The following SPTB variants were observed in gnomAD, a reference collection of about 807,000 sequenced individuals.
SPTB encodes spectrin beta, erythrocytic.
In SPTB, 45 loss-of-function variants were observed where a neutral mutation model predicts 256.2. The observed-to-expected ratio is 0.18, with a 90% CI of 0.14 to 0.23. SPTB has a LOEUF of 0.23. Ranked by LOEUF, SPTB falls within the 10% of genes least tolerant of loss-of-function variation. SPTB has a pLI of 1.00. For missense variants in SPTB, 2,715 were observed against 3,040.4 expected (o/e 0.89, Z 2.52); for synonymous variants, 1,231 against 1,243.1 (o/e 0.99, Z 0.21).
chr14:64,763,572 A>T (rs2082123230), intron 32 of SPTB, among the ~76,000 whole-genome samples: 1 of 152,250 alleles, frequency 6.6e-6, no homozygotes, highest in Non-Finnish European at 1.5e-5. Flanking sequence ...GACTTTCCGT[A>T]ATTCTCCAGA....
rs1248602299 is a variant in SPTB, at chr14:64,772,354, A to G, written c.5553+226T>C. Among the ~76,000 whole-genome samples, 1 of 152,246 alleles carries G rather than the reference A, an allele frequency of 6.6e-6. No homozygotes were observed. The highest frequency in any genetic ancestry group is 1.5e-5 in the Non-Finnish European group (1 of 68,044). ...ACAACTGGAGAAACTGCAACCGTAT[A>G]GTATTGTATGCATTGGCCTTTTGTG... On this transcript the variant is annotated intron_variant, in intron 26 of 35. Transcript: ENST00000644917. The surrounding 1 kb of genome is among the most constrained non-coding windows in gnomAD (Gnocchi z 5.4).
intron 23 of SPTB, 119 bp from the exon 24 acceptor site, chr14:64,774,646 C>A: frequency 7.0e-7 from 1 of 1,425,558 alleles, no homozygotes; most frequent in Non-Finnish European, 9.6e-7. Flanking sequence ...TTGTGGGACA[C>A]CCGCAGGAGA....
chr14:64,767,755 T>G lies in SPTB; in HGVS notation c.6127A>C (p.Ser2043Arg). ...ASGDFGHTVDSVEKLIKRHEA... is the reference protein window; with the variant it reads ...ASGDFGHTVDRVEKLIKRHEA... ...TGCCTCTTGATGAGCTTCTCCACAC[T>G]GTCCACTGTGTGTCCAAAGTCCCCG... is the stretch of plus-strand genomic sequence containing the variant. The change falls in exon 30 of 36, where the codon AGT becomes CGT. Residue 2043 changes from serine (S) to arginine (R), a missense_variant. Ser to Arg is a moderately radical substitution (Grantham distance 110, BLOSUM62 -1). Coordinates refer to ENST00000644917, the MANE Select transcript of SPTB (RefSeq NM_001355436.2). The G allele has an allele frequency of 3.1e-6, 5 of 1,614,190 alleles. No homozygotes were observed. The East Asian group carries it at 1.1e-4, about 36-fold the overall frequency.
chr14:64,769,698 C>T lies in SPTB; in HGVS notation c.5829G>A (p.Lys1943=). ...RDVSSVELLM[K]YHQGINAEIE... is the part of the protein sequence containing the mutation. ...TCTCTGCATTGATGCCCTGGTGATACTTCATGAGCAGTTCCACAGAGGAGA... is the reference window on the plus strand; with the variant it reads ...TCTCTGCATTGATGCCCTGGTGATATTTCATGAGCAGTTCCACAGAGGAGA... Residue 1943 remains lysine, a synonymous_variant, in exon 28 of 36, where the codon AAG becomes AAA. Transcript: ENST00000644917. 6.2e-7 allele frequency: 1 copy of T among 1,614,192 alleles called. No individual in the cohort carries two copies. The highest frequency in any genetic ancestry group is 8.5e-7 in the Non-Finnish European group (1 of 1,180,036).
intron 2 of SPTB, among the ~76,000 whole-genome samples, chr14:64,818,242 A>G (rs1467016264): frequency 1.3e-5 from 2 of 152,220 alleles, no homozygotes; most frequent in Non-Finnish European, 2.9e-5. Context: ...ACTGAGAAAG[A>G]ACGTGAAGGC....
intron 1 of SPTB, among the ~76,000 whole-genome samples, chr14:64,835,211 T>C (rs974123689): frequency 1.3e-5 from 2 of 152,164 alleles, no homozygotes; most frequent in Non-Finnish European, 2.9e-5. Context: ...AGCTTTGGTA[T>C]TGAGCAAAAT....
At chr14:64,774,076 A>G (rs983585087) in intron 24 of SPTB, among the ~76,000 whole-genome samples, 8 of 152,178 alleles carry the variant, frequency 5.3e-5, no homozygotes, top group African/African-American at 1.4e-4. Context: ...AATAAAAGCT[A>G]AAGTAGTCTT....
intron 1 of SPTB, among the ~76,000 whole-genome samples, chr14:64,875,581 A>G (rs1882782470): frequency 6.6e-6 from 1 of 152,240 alleles, no homozygotes; most frequent in South Asian, 2.1e-4. Flanking sequence ...TGATAAACCC[A>G]GCAAATGCCA....
At chr14:64,782,212 A>G (rs149370109) in intron 20 of SPTB, 78 bp downstream of exon 20, 1 of 1,606,456 alleles carries the variant, frequency 6.2e-7, no homozygotes, top group East Asian at 2.2e-5. Flanking sequence ...CAAACCTAAA[A>G]TTAAAAATAA....
rs1450739288 is a variant in SPTB, at chr14:64,753,536, C to A, written c.6602+1G>T. The A allele has an allele frequency of 6.2e-7, 1 of 1,613,476 alleles. No homozygotes were observed. The highest frequency in any genetic ancestry group is 8.5e-7 in the Non-Finnish European group (1 of 1,180,004). ...CAGCCAGCAGCCTCTCCCGCACTCA[C>A]CTGTTGGAAGCCTTCTTGTTGGGCC... On this transcript the variant is annotated splice_donor_variant, in intron 33 of 35. Transcript: ENST00000644917. LOFTEE classifies it high-confidence loss of function.
At position 64,802,096 on chromosome 14, in the gene SPTB, T is replaced by G; in HGVS notation, c.566+130A>C. On this transcript the variant is annotated intron_variant, in intron 5 of 35. Transcript: ENST00000644917. The surrounding 1 kb of genome is among the most constrained non-coding windows in gnomAD (Gnocchi z 5.1). ...CTCAAAGAATCAGGTCAGGACAGAC[T>G]TTGCATCAATTACAGGGAGGCAGCT... The G allele has an allele frequency of 1.0e-6, 1 of 975,168 alleles. No individual in the cohort carries two copies. Among genetic ancestry groups the G allele is most frequent in the Non-Finnish European group, 1.6e-6 (1 of 620,008 alleles). 60.4% of individuals were successfully genotyped at this position (975,168 alleles called of 1,614,324 possible). A position where few individuals can be genotyped will look rare whatever the true frequency, so the allele number is the denominator to read the frequency against.
rs762936267 is a variant in SPTB at position 64,800,794 on chromosome 14, T to C, written c.838A>G (p.Met280Val). The C allele has an allele frequency of 6.2e-7, 1 of 1,614,224 alleles. No individual in the cohort carries two copies. The highest frequency in any genetic ancestry group is 8.5e-7 in the Non-Finnish European group (1 of 1,180,044). ...TTGCCCTCCACTGCCAGCACCTTCA[T>C]CTTGGAGAAGTAGTGGTAAAAGGCC... ...VVAFYHYFSK[M>V]KVLAVEGKRV... The change falls in exon 8 of 36, where the codon ATG becomes GTG. Residue 280 changes from methionine to valine, a missense_variant. Coordinates refer to ENST00000644917, the MANE Select transcript of SPTB (RefSeq NM_001355436.2).
In SPTB at chr14:64,748,936, CT is replaced by C. The variant is rs34353769; in HGVS notation, c.*369del. The C allele has an allele frequency of 0.76, 97,258 of 128,512 alleles. 35,193 individuals are homozygous for C. The highest frequency in any genetic ancestry group is 0.8 in the East Asian group (3,480 of 4,372). The allele number at this position is 128,512 out of a possible 1,614,324, so 8.0% of individuals were successfully genotyped here. A position where few individuals can be genotyped will look rare whatever the true frequency, so the allele number is the denominator to read the frequency against. On this transcript the variant is annotated 3_prime_UTR_variant, in exon 36 of 36. Coordinates refer to ENST00000644917, the MANE Select transcript of SPTB (RefSeq NM_001355436.2). ...AGAACCCCATCAGCCTTCTCCAGCT[CT>C]TTTTTTTTTTTTTTTTTGGTTGGGG...
intron 2 of SPTB, among the ~76,000 whole-genome samples, chr14:64,822,461 T>G (rs992770571): frequency 1.4e-5 from 2 of 144,198 alleles, no homozygotes; most frequent in African/African-American, 5.3e-5. Context: ...GGATGAAAGG[T>G]TTCATCAAGA....
Position 64,793,379 on chromosome 14 carries a change from C to T in SPTB, c.2284G>A (p.Ala762Thr), listed in dbSNP as rs369439568. 10 of 1,612,770 alleles carry T rather than the reference C, an allele frequency of 6.2e-6. No individual in the cohort carries two copies. The highest frequency in any genetic ancestry group is 3.3e-4 in the Middle Eastern group (2 of 6,062). Residue 762 changes from alanine to threonine, a missense_variant, in exon 14 of 36, where the codon GCC becomes ACC. Transcript: ENST00000644917. This position sits in a 1 kb window ranked among gnomAD's most constrained non-coding sequence, Gnocchi z 7.0. The part of the protein sequence containing the change: ...ADDLKAWLQD[A>T]HRLLSGEDVG... Reference sequence around the variant, plus strand: ...TCTTCACCAGAGAGCAGCCGGTGGGCGTCTTGCAGCCAAGCCTTCAGGTCA... The same window carrying T: ...TCTTCACCAGAGAGCAGCCGGTGGGTGTCTTGCAGCCAAGCCTTCAGGTCA...
intron 32 of SPTB, among the ~76,000 whole-genome samples, chr14:64,761,701 G>T (rs755614096): frequency 2.9e-4 from 44 of 152,174 alleles, no homozygotes; most frequent in Non-Finnish European, 5.0e-4. Flanking sequence ...GCTTCCTCGG[G>T]AGCTGTCTTC....
At chr14:64,861,162 A>G (rs1161715258) in intron 1 of SPTB, among the ~76,000 whole-genome samples, 1 of 152,154 alleles carries the variant, frequency 6.6e-6, no homozygotes, top group Admixed American at 6.5e-5. Context: ...GAACGCATGG[A>G]CACAGAGAGG....
Position 64,778,201 on chromosome 14 carries a change from C to A in SPTB, c.4563+956G>T, listed in dbSNP as rs749957661. Among the ~76,000 whole-genome samples, 1 of 152,194 alleles carries A rather than the reference C, an allele frequency of 6.6e-6. No homozygotes were observed. Reference sequence around the variant, plus strand: ...AGGGCCTAAGGCAGCTTTGAAGAAACTTCTCTGAATATAATCTAGGCCTCT... The same window carrying A: ...AGGGCCTAAGGCAGCTTTGAAGAAAATTCTCTGAATATAATCTAGGCCTCT... On this transcript the variant is annotated intron_variant, in intron 22 of 35. Coordinates refer to ENST00000644917, the MANE Select transcript of SPTB (RefSeq NM_001355436.2). This position sits in a 1 kb window ranked among gnomAD's most constrained non-coding sequence, Gnocchi z 5.2.
intron 1 of SPTB, among the ~76,000 whole-genome samples, chr14:64,850,454 A>G (rs2083766082): frequency 6.6e-6 from 1 of 152,202 alleles, no homozygotes; most frequent in South Asian, 2.1e-4. Flanking sequence ...AGTTCCTCCC[A>G]TTACATCCAG....
Sources: gnomAD v4.1 joint callset for allele counts (sites outside exome capture counted in the v4.1 genomes callset) on GRCh38, gnomAD v4.1.1 for gene constraint, Gnocchi (gnomAD v3.1) non-coding constraint, MANE v1.5 for transcripts, NCBI Gene and HGNC (gene_info 2026-07-23, HGNC 2026-07-21) for gene names.